ZFPM2: variants seen among roughly 807,000 people sequenced by gnomAD.
The protein encoded by ZFPM2 is zinc finger protein ZFPM2.
A neutral mutation model predicts 98.6 loss-of-function variants in ZFPM2; 20 were observed. The observed-to-expected ratio is 0.20, with a 90% confidence interval of 0.14 to 0.29. The LOEUF (loss-of-function observed/expected upper bound fraction) is 0.29. Among genes scored for constraint, ZFPM2 ranks in the 10% least tolerant of loss-of-function variants. The pLI is 1.00. For synonymous variants in ZFPM2, 518 were observed against 502.7 expected (o/e 1.03, Z -0.41); for missense variants, 1,310 against 1,388.6 (o/e 0.94, Z 0.90).
At chr8:105,434,395 T>G (rs1239251124) in intron 2 of ZFPM2, among the ~76,000 whole-genome samples, 1 of 152,188 alleles carries the variant, frequency 6.6e-6, no homozygotes, top group Non-Finnish European at 1.5e-5. Flanking sequence ...AACTGAATCT[T>G]AAACTTTAAT....
intron 6 of ZFPM2, among the ~76,000 whole-genome samples, chr8:105,791,205 C>T (rs1183427922): frequency 1.3e-5 from 2 of 152,010 alleles, no homozygotes; most frequent in African/African-American, 2.4e-5. Context: ...TTTGCCCATT[C>T]AGTATGATAT....
At chr8:105,409,032 A>C (rs2130025431) in intron 1 of ZFPM2, among the ~76,000 whole-genome samples, 1 of 152,004 alleles carries the variant, frequency 6.6e-6, no homozygotes, top group African/African-American at 2.4e-5. Context: ...AATGCTGAGC[A>C]GTGGAACATG....
intron 1 of ZFPM2, among the ~76,000 whole-genome samples, chr8:105,362,836 G>T (rs1267819832): frequency 6.6e-6 from 1 of 152,106 alleles, no homozygotes; most frequent in Non-Finnish European, 1.5e-5. Flanking sequence ...AATTCCCTTG[G>T]TTGGAAATCA....
At chr8:105,621,837 G>C (rs532927991) in intron 4 of ZFPM2, among the ~76,000 whole-genome samples, 1 of 151,788 alleles carries the variant, frequency 6.6e-6, no homozygotes, top group African/African-American at 2.4e-5. Flanking sequence ...ATTGTAAAAC[G>C]ATTATTTTAT....
At chr8:105,721,452 T>G (rs1276167598) in intron 5 of ZFPM2, among the ~76,000 whole-genome samples, 1 of 151,940 alleles carries the variant, frequency 6.6e-6, no homozygotes, top group Non-Finnish European at 1.5e-5. Context: ...AACAGAAAGT[T>G]TATCTTTTTC....
intron 5 of ZFPM2, among the ~76,000 whole-genome samples, chr8:105,683,282 A>G (rs763378348): frequency 4.6e-5 from 7 of 152,134 alleles, no homozygotes; most frequent in Non-Finnish European, 8.8e-5. Context: ...CCCCATTGGT[A>G]TGTGACCACA....
intron 4 of ZFPM2, among the ~76,000 whole-genome samples, chr8:105,606,754 G>C (rs191817424): frequency 8.5e-5 from 13 of 152,138 alleles, no homozygotes; most frequent in Admixed American, 5.9e-4. Flanking sequence ...CAATGTGGGA[G>C]CTTAAAGAAA....
chr8:105,371,731 T>C (rs965295577), intron 1 of ZFPM2, among the ~76,000 whole-genome samples: 6 of 152,150 alleles, frequency 3.9e-5, no homozygotes, highest in Non-Finnish European at 8.8e-5. Flanking sequence ...TACCACCTTA[T>C]ATAAGACTAA....
chr8:105,599,520 C>T (rs769621611), intron 4 of ZFPM2, among the ~76,000 whole-genome samples: 7 of 151,864 alleles, frequency 4.6e-5, no homozygotes, highest in Admixed American at 2.6e-4. Flanking sequence ...GAGCACCAAG[C>T]GTCACAAGCC....
intron 2 of ZFPM2, among the ~76,000 whole-genome samples, chr8:105,433,106 A>G (rs1168423644): frequency 6.6e-6 from 1 of 152,182 alleles, no homozygotes; most frequent in Non-Finnish European, 1.5e-5. Flanking sequence ...AAAAAAAAAT[A>G]GAATTCCTTG....
intron 3 of ZFPM2, among the ~76,000 whole-genome samples, chr8:105,478,950 C>T (rs1813064671): frequency 6.6e-6 from 1 of 152,120 alleles, no homozygotes; most frequent in Non-Finnish European, 1.5e-5. Context: ...AAGAAGGGAC[C>T]AAAGATAATA....
chr8:105,580,692 A>C (rs1240944081), intron 4 of ZFPM2, among the ~76,000 whole-genome samples: 1 of 151,982 alleles, frequency 6.6e-6, no homozygotes, highest in Non-Finnish European at 1.5e-5. Context: ...TTAATTACTC[A>C]TTTGAGAAAA....
chr8:105,394,260 G>C (rs1184161749), intron 1 of ZFPM2, among the ~76,000 whole-genome samples: 1 of 152,152 alleles, frequency 6.6e-6, no homozygotes, highest in Non-Finnish European at 1.5e-5. Flanking sequence ...GTTTGGATGG[G>C]AGCAAATCAA....
intron 6 of ZFPM2, among the ~76,000 whole-genome samples, chr8:105,789,600 A>C (rs7814058): frequency 0.17 from 26,264 of 150,426 alleles, 4,043 homozygotes; most frequent in African/African-American, 0.42. Context: ...GTATATACCC[A>C]GTAATGGGAT....
intron 1 of ZFPM2, among the ~76,000 whole-genome samples, chr8:105,356,194 G>A (rs1812743479): frequency 6.6e-6 from 1 of 152,146 alleles, no homozygotes. Flanking sequence ...AAGCAGTTTT[G>A]TTATTGTTCG....
chr8:105,755,247 A>C (rs1812572023), intron 5 of ZFPM2, among the ~76,000 whole-genome samples: 1 of 152,116 alleles, frequency 6.6e-6, no homozygotes, highest in South Asian at 2.1e-4. Flanking sequence ...CCTGTAATAA[A>C]ACCTCTATGT....
intron 4 of ZFPM2, among the ~76,000 whole-genome samples, chr8:105,591,300 AATAAATAATATTGCTTT>A (rs2130764932): frequency 6.6e-6 from 1 of 152,024 alleles, no homozygotes; most frequent in Non-Finnish European, 1.5e-5. Context: ...TCTAAATGTT[AATAAATAATATTGCTTT>A]ATAAATTGGA....
intron 3 of ZFPM2, among the ~76,000 whole-genome samples, chr8:105,552,829 T>G (rs1318483380): frequency 2.0e-5 from 3 of 149,958 alleles, no homozygotes; most frequent in African/African-American, 7.4e-5. Context: ...TTTTTTTTTT[T>G]TTTTAAAGAC....
chr8:105,688,802 A>AT (rs1249763435), intron 5 of ZFPM2, among the ~76,000 whole-genome samples: 1 of 152,184 alleles, frequency 6.6e-6, no homozygotes, highest in Non-Finnish European at 1.5e-5. Context: ...CACTCTTCTC[A>AT]TTCTCTATCA....
Sources: allele counts gnomAD v4.1 joint callset (sites outside exome capture counted in the v4.1 genomes callset), GRCh38; gene constraint gnomAD v4.1.1; transcripts MANE v1.5; gene names NCBI Gene and HGNC (gene_info 2026-07-23, HGNC 2026-07-21).